The following EYS variants were observed in gnomAD, a reference collection of about 807,000 sequenced individuals.
The protein encoded by EYS is protein eyes shut homolog.
A neutral mutation model predicts 282.1 loss-of-function variants in EYS; 250 were observed. The observed-to-expected ratio is 0.89, with a 90% CI of 0.80 to 0.98. The LOEUF is 0.98. Among genes scored for constraint, EYS ranks in the 50% least tolerant of loss-of-function variants. The pLI is 0.00. For missense variants in EYS, 4,016 were observed against 3,709.0 expected (o/e 1.08, Z -2.15); for synonymous variants, 1,355 against 1,282.9 (o/e 1.06, Z -1.20).
intron 40 of EYS, among the ~76,000 whole-genome samples, chr6:63,774,687 ACAT>A (rs1770020654): frequency 6.6e-6 from 1 of 152,204 alleles, no homozygotes; most frequent in Admixed American, 6.5e-5. Context: ...ATATTTTGAA[ACAT>A]CATGTTCTAC....
At chr6:64,106,026 T>C (rs1772997407) in intron 31 of EYS, among the ~76,000 whole-genome samples, 1 of 152,144 alleles carries the variant, frequency 6.6e-6, no homozygotes, top group Non-Finnish European at 1.5e-5. Context: ...TTTGTTGGTA[T>C]ATTTGGTCTA....
chr6:65,624,085 T>G (rs1310333298), intron 2 of EYS, among the ~76,000 whole-genome samples: 10 of 152,182 alleles, frequency 6.6e-5, no homozygotes, highest in Non-Finnish European at 1.2e-4. Flanking sequence ...ATTCAATATC[T>G]CATATTACAG....
chr6:65,369,414 C>T (rs975572912), intron 8 of EYS, among the ~76,000 whole-genome samples: 55 of 149,054 alleles, frequency 3.7e-4, no homozygotes, highest in African/African-American at 1.2e-3. Flanking sequence ...ACAATTTGTC[C>T]TAACCAATTA....
chr6:65,177,015 T>G (rs1202603877), intron 12 of EYS, among the ~76,000 whole-genome samples: 1 of 151,772 alleles, frequency 6.6e-6, no homozygotes, highest in East Asian at 2.0e-4. Context: ...AATTTAAGTG[T>G]TTTCCAAATC....
intron 33 of EYS, among the ~76,000 whole-genome samples, chr6:64,000,412 C>G: frequency 6.7e-6 from 1 of 150,340 alleles, no homozygotes; most frequent in Non-Finnish European, 1.5e-5. Flanking sequence ...AGGATGGTCT[C>G]GATCTCCTGA....
intron 26 of EYS, among the ~76,000 whole-genome samples, chr6:64,549,424 A>G (rs964861575): frequency 6.6e-6 from 1 of 152,176 alleles, no homozygotes; most frequent in Non-Finnish European, 1.5e-5. Context: ...TTCTATCACA[A>G]TTTTAATAAT....
At chr6:63,896,141 T>G (rs1363732069) in intron 35 of EYS, among the ~76,000 whole-genome samples, 1 of 152,170 alleles carries the variant, frequency 6.6e-6, no homozygotes, top group African/African-American at 2.4e-5. Flanking sequence ...TTTTAAATTG[T>G]TCGTATGATT....
chr6:64,713,972 G>C (rs1771292263), intron 22 of EYS, among the ~76,000 whole-genome samples: 1 of 151,936 alleles, frequency 6.6e-6, no homozygotes, highest in Non-Finnish European at 1.5e-5. Context: ...GCTTTTCAGG[G>C]GCTCACAAAG....
chr6:64,407,982 C>T (rs1773776758), intron 28 of EYS, among the ~76,000 whole-genome samples: 1 of 152,108 alleles, frequency 6.6e-6, no homozygotes. Context: ...ATTGACCCGC[C>T]TCTTCAAGTG....
intron 31 of EYS, among the ~76,000 whole-genome samples, chr6:64,152,545 A>G (rs951160849): frequency 6.6e-6 from 1 of 152,178 alleles, no homozygotes; most frequent in East Asian, 1.9e-4. Flanking sequence ...CTTCACAGTC[A>G]ATTACAAGGG....
intron 12 of EYS, among the ~76,000 whole-genome samples, chr6:65,226,596 C>A (rs960735899): frequency 2.6e-5 from 4 of 152,090 alleles, no homozygotes; most frequent in Non-Finnish European, 5.9e-5. Context: ...AGTAGAACAA[C>A]AACAACCATA....
intron 35 of EYS, among the ~76,000 whole-genome samples, chr6:63,920,822 G>C (rs1437669245): frequency 6.6e-6 from 1 of 152,156 alleles, no homozygotes; most frequent in African/African-American, 2.4e-5. Flanking sequence ...TGGAAAGGGA[G>C]TGGAGAAACT....
chr6:65,386,980 G>C (rs915958766), intron 7 of EYS, among the ~76,000 whole-genome samples: 3 of 149,926 alleles, frequency 2.0e-5, no homozygotes, highest in Non-Finnish European at 4.5e-5. Context: ...GATCTGTGAA[G>C]ATACATGAAA....
At chr6:65,637,310 A>C (rs372221626) in intron 2 of EYS, among the ~76,000 whole-genome samples, 38 of 152,322 alleles carry the variant, frequency 2.5e-4, no homozygotes, top group African/African-American at 8.4e-4. Context: ...AAAAAGGAAA[A>C]AACTCAAATT....
chr6:64,290,108 CTT>C (rs757743403), intron 30 of EYS, among the ~76,000 whole-genome samples: 6 of 152,246 alleles, frequency 3.9e-5, no homozygotes, highest in Admixed American at 3.3e-4. Context: ...GCATAGATGA[CTT>C]TGCACTACGC....
intron 5 of EYS, among the ~76,000 whole-genome samples, chr6:65,410,547 C>CCTT (rs1421456437): frequency 6.6e-6 from 1 of 151,240 alleles, no homozygotes; most frequent in African/African-American, 2.4e-5. Context: ...TTTCCCTCTT[C>CCTT]CTTCCCCTCC....
At chr6:64,806,241 A>T (rs564553240) in intron 22 of EYS, among the ~76,000 whole-genome samples, 1 of 151,918 alleles carries the variant, frequency 6.6e-6, no homozygotes, top group Admixed American at 6.6e-5. Context: ...AAGCTGTAAA[A>T]CTAATTAACT....
At chr6:64,935,564 A>G (rs1768880398) in intron 15 of EYS, among the ~76,000 whole-genome samples, 1 of 151,694 alleles carries the variant, frequency 6.6e-6, no homozygotes, top group Admixed American at 6.6e-5. Context: ...AAAACCATTA[A>G]CTAGAATGAT....
At chr6:64,670,877 C>G (rs1769432392) in intron 22 of EYS, among the ~76,000 whole-genome samples, 1 of 152,080 alleles carries the variant, frequency 6.6e-6, no homozygotes, top group Non-Finnish European at 1.5e-5. Context: ...AGTAGACCCT[C>G]TCCTTCACCA....
Sources: gnomAD v4.1 joint callset for allele counts (sites outside exome capture counted in the v4.1 genomes callset) on GRCh38, gnomAD v4.1.1 for gene constraint, MANE v1.5 for transcripts, NCBI Gene and HGNC (gene_info 2026-07-23, HGNC 2026-07-21) for gene names.